ZNF81: variants seen among roughly 807,000 people sequenced by gnomAD.
The protein encoded by ZNF81 is zinc finger protein 81, also known as zinc finger protein 81 (HFZ20).
In ZNF81, 5 loss-of-function variants were observed where a neutral mutation model predicts 32.3. The observed-to-expected ratio is 0.15, with a 90% CI of 0.08 to 0.33. ZNF81 has a LOEUF of 0.33. Among genes scored for constraint, ZNF81 ranks in the 10% least tolerant of loss-of-function variants. The probability of loss-of-function intolerance (pLI) is 1.00; values close to 1 mark genes in which losing one functional copy is unlikely to be tolerated. For missense variants in ZNF81, 379 were observed against 479.8 expected (o/e 0.79, Z 1.96); for synonymous variants, 163 against 166.8 (o/e 0.98, Z 0.17).
At chrX:47,881,201 C>T (rs782624716) in intron 2 of ZNF81, among the ~76,000 whole-genome samples, 3 of 111,861 alleles carry the variant, frequency 2.7e-5, no homozygotes, top group Admixed American at 9.5e-5. Context: ...ACAAATAACT[C>T]GCAATCTTCC....
At chrX:47,841,618 G>A (rs2058449792) in intron 1 of ZNF81, 3 of 1,096,261 alleles carry the variant, frequency 2.7e-6, no homozygotes, top group African/African-American at 3.7e-5. Flanking sequence ...TTGCCTGGGT[G>A]GCTTTGAGGG....
Position 47,922,146 on chromosome X carries a change from T to C in ZNF81, c.*5514T>C, listed in dbSNP as rs1204376019. 2 of 112,111 alleles carry C rather than the reference T, an allele frequency of 1.8e-5. No individual in the cohort carries two copies. Among genetic ancestry groups the C allele is most frequent in the Non-Finnish European group, 3.8e-5 (2 of 53,236 alleles). The allele number at this position is 112,111 out of a possible 1,213,427, so 9.2% of individuals were successfully genotyped here. ...GCTAACTGATACATTGATTATTTAT[T>C]GCATTTCTTCCTCCACTATTCTTCT... On this transcript the variant is annotated 3_prime_UTR_variant, in exon 5 of 5. Coordinates refer to ENST00000338637, the MANE Select transcript of ZNF81 (RefSeq NM_007137.5).
intron 4 of ZNF81, among the ~76,000 whole-genome samples, chrX:47,905,933 A>G (rs1164709892): frequency 1.8e-5 from 2 of 110,681 alleles, no homozygotes; most frequent in African/African-American, 3.3e-5. Flanking sequence ...ATATAATGTA[A>G]TTCTCTGATT....
At position 47,883,393 on chromosome X, in the gene ZNF81, T is replaced by C. The variant is rs186674323; in HGVS notation, c.55-4606T>C. ...TAGCGTCTTTTGATGAGCAGAAGTT[T>C]TAATTTTGATAAGGTCCAGTTTTTG... On this transcript the variant is annotated intron_variant, in intron 2 of 4. Coordinates refer to ENST00000338637, the MANE Select transcript of ZNF81 (RefSeq NM_007137.5). Among the ~76,000 whole-genome samples the C allele has an allele frequency of 3.0e-3, 341 of 112,415 alleles. 1 individual carries two copies. The highest frequency in any genetic ancestry group is 0.01 in the African/African-American group (324 of 31,004).
chrX:47,915,051 T>A lies in ZNF81; in HGVS notation c.405T>A (p.Asp135Glu). ...CTATTTTAGAAGAATTGTGGCAAGATGCTGAACAGATAAAGAGATGTCAGG... is the reference window on the plus strand; with the variant it reads ...CTATTTTAGAAGAATTGTGGCAAGAAGCTGAACAGATAAAGAGATGTCAGG... ...LYSILEELWQ[D>E]AEQIKRCQEK... is the part of the protein sequence containing the mutation. The change falls in exon 5 of 5, where the codon GAT becomes GAA. Residue 135 changes from aspartate (D) to glutamate (E), a missense_variant. Asp to Glu is a conservative substitution (Grantham distance 45). Around this residue, in one of 2 missense-constraint regions of ZNF81, gnomAD observed 277 missense variants for 306.6 expected, o/e 0.90. Coordinates refer to ENST00000338637, the MANE Select transcript of ZNF81 (RefSeq NM_007137.5). 1 of 1,209,683 alleles carries A rather than the reference T, an allele frequency of 8.3e-7. No homozygotes were observed. Among genetic ancestry groups the A allele is most frequent in the African/African-American group, 1.7e-5 (1 of 57,683 alleles).
chrX:47,921,773 A>G lies in ZNF81; in HGVS notation c.*5141A>G, dbSNP rs1208924586. On this transcript the variant is annotated 3_prime_UTR_variant, in exon 5 of 5. Transcript: ENST00000338637. ...CCTGTGGAAAGGTCCACATGAGTGA[A>G]CTTTGAAGCATATCCTCCCCCAGTT... 1 of 111,050 alleles carries G rather than the reference A, an allele frequency of 9.0e-6. No individual in the cohort carries two copies. Among genetic ancestry groups the G allele is most frequent in the Admixed American group, 9.6e-5 (1 of 10,440 alleles). The allele number at this position is 111,050 out of a possible 1,213,427, so 9.2% of individuals were successfully genotyped here.
At chrX:47,871,600 A>G (rs1556883925) in intron 2 of ZNF81, among the ~76,000 whole-genome samples, 1 of 111,941 alleles carries the variant, frequency 8.9e-6, no homozygotes, top group East Asian at 2.8e-4. Flanking sequence ...TTTGACCAGG[A>G]TCTGGTAAAA....
chrX:47,898,151 C>G (rs1047208795), intron 4 of ZNF81, among the ~76,000 whole-genome samples: 1 of 111,284 alleles, frequency 9.0e-6, no homozygotes, highest in Non-Finnish European at 1.9e-5. Flanking sequence ...TTGGATAATT[C>G]CACTGGGCTC....
intron 1 of ZNF81, 40 bp downstream of exon 1, chrX:47,837,027 G>C (rs2058427803): frequency 6.5e-6 from 1 of 154,658 alleles, no homozygotes; most frequent in Non-Finnish European, 1.3e-5. Context: ...GGGCGATTCT[G>C]TGTGGCCAGT....
intron 2 of ZNF81, among the ~76,000 whole-genome samples, chrX:47,852,124 GTACAA>G (rs2148008332): frequency 8.9e-6 from 1 of 112,473 alleles, no homozygotes; most frequent in East Asian, 2.8e-4. Flanking sequence ...TCTATTAAGT[GTACAA>G]TAGCATTATG....
intron 2 of ZNF81, among the ~76,000 whole-genome samples, chrX:47,883,779 A>T (rs1168056155): frequency 8.9e-6 from 1 of 112,081 alleles, no homozygotes; most frequent in African/African-American, 3.2e-5. Flanking sequence ...CTTTTCACAA[A>T]TTTTGATACA....
intron 2 of ZNF81, among the ~76,000 whole-genome samples, chrX:47,858,280 A>G (rs1362016600): frequency 8.9e-6 from 1 of 111,994 alleles, no homozygotes; most frequent in East Asian, 2.8e-4. Flanking sequence ...CAAGCATCCC[A>G]CACTTCCAGT....
intron 4 of ZNF81, among the ~76,000 whole-genome samples, chrX:47,911,169 TC>T (rs1420089246): frequency 1.8e-5 from 2 of 111,659 alleles, no homozygotes; most frequent in Admixed American, 1.9e-4. Context: ...CTCAGTGCCA[TC>T]TATAAGATTA....
At chrX:47,855,768 G>C (rs782054833) in intron 2 of ZNF81, among the ~76,000 whole-genome samples, 1 of 110,779 alleles carries the variant, frequency 9.0e-6, no homozygotes, top group Non-Finnish European at 1.9e-5. Flanking sequence ...TTGAGTATGG[G>C]CTGGGTGTGG....
chrX:47,897,575 T>A (rs1355590271), intron 4 of ZNF81, among the ~76,000 whole-genome samples: 1 of 112,469 alleles, frequency 8.9e-6, no homozygotes, highest in African/African-American at 3.2e-5. Flanking sequence ...CAATTTATCA[T>A]CTGTTTTATT....
At chrX:47,889,345 T>C (rs951105475) in intron 3 of ZNF81, among the ~76,000 whole-genome samples, 1 of 112,264 alleles carries the variant, frequency 8.9e-6, no homozygotes, top group African/African-American at 3.2e-5. Flanking sequence ...AATGTGATGA[T>C]AAAGCTATTT....
intron 2 of ZNF81, among the ~76,000 whole-genome samples, chrX:47,846,750 C>G (rs2058472502): frequency 8.9e-6 from 1 of 111,897 alleles, no homozygotes; most frequent in East Asian, 2.8e-4. Flanking sequence ...AGCACCCTTA[C>G]TCTTTTTAAT....
intron 2 of ZNF81, among the ~76,000 whole-genome samples, chrX:47,880,017 A>G (rs1556884966): frequency 8.9e-6 from 1 of 112,193 alleles, no homozygotes; most frequent in African/African-American, 3.2e-5. Context: ...GAACTGATGA[A>G]TCTAGAGGCT....
chrX:47,865,792 G>A (rs2058557786), intron 2 of ZNF81, among the ~76,000 whole-genome samples: 1 of 111,745 alleles, frequency 8.9e-6, no homozygotes, highest in Non-Finnish European at 1.9e-5. Flanking sequence ...ACTGAAAGAG[G>A]GACAGAACAT....
Sources: gnomAD v4.1 joint callset for allele counts (sites outside exome capture counted in the v4.1 genomes callset) on GRCh38, gnomAD v4.1.1 for gene constraint, gnomAD v4.1.1 regional missense constraint, MANE v1.5 for transcripts, NCBI Gene and HGNC (gene_info 2026-07-23, HGNC 2026-07-21) for gene names.